Variants in COL18A1 observed in about 807,000 individuals in gnomAD.
COL18A1 encodes the protein collagen alpha-1(XVIII) chain.
A neutral mutation model predicts 168.0 loss-of-function variants in COL18A1; 133 were observed. That is an observed-to-expected ratio of 0.79 (90% CI 0.69 to 0.91). The LOEUF (loss-of-function observed/expected upper bound fraction) is 0.91. COL18A1 is among the 40% of genes least tolerant of loss of function. The pLI is 0.00. For missense variants in COL18A1, 2,126 were observed against 1,925.4 expected (o/e 1.10, Z -1.95); for synonymous variants, 949 against 809.0 (o/e 1.17, Z -2.94).
At chr21:45,419,244 CGT>C (rs1398518361) in intron 2 of COL18A1, among the ~76,000 whole-genome samples, 1 of 151,752 alleles carries the variant, frequency 6.6e-6, no homozygotes, top group East Asian at 1.9e-4. Flanking sequence ...GACGTGATGC[CGT>C]GTGTGGTGAC....
At chr21:45,487,676 C>T in intron 17 of COL18A1, 167 bp downstream of exon 17, 1 of 826,994 alleles carries the variant, frequency 1.2e-6, no homozygotes, top group Middle Eastern at 3.4e-4. Context: ...CACCCTTGTT[C>T]TTCGGAGATG....
At chr21:45,419,898 C>T (rs1362142081) in intron 2 of COL18A1, 1 of 152,202 alleles carries the variant, frequency 6.6e-6, no homozygotes, top group Admixed American at 6.5e-5. Flanking sequence ...CCTTGGCTTA[C>T]TGACTCCACA....
intron 2 of COL18A1, among the ~76,000 whole-genome samples, chr21:45,450,042 G>A (rs1274331916): frequency 2.0e-5 from 3 of 152,240 alleles, no homozygotes; most frequent in South Asian, 2.1e-4. Context: ...ACGTGTCTGC[G>A]GCATCCAAAC....
intron 2 of COL18A1, among the ~76,000 whole-genome samples, chr21:45,448,509 C>T (rs1242346595): frequency 6.6e-6 from 1 of 152,250 alleles, no homozygotes; most frequent in African/African-American, 2.4e-5. Flanking sequence ...GTATCCATAT[C>T]CACACATCCG....
chr21:45,508,236 AGTGGGTGAGTGGATGGTGGACAG>A (rs1306803423), intron 38 of COL18A1, among the ~76,000 whole-genome samples: 73 of 139,356 alleles, frequency 5.2e-4, no homozygotes, highest in Non-Finnish European at 6.6e-4. Flanking sequence ...ATAGTGGGTA[AGTGGGTGAGTGGATGGTGGACAG>A]GTGGGTGAGT....
rs1311224443 is a variant in COL18A1 at position 45,423,294 on chromosome 21, G to A, written c.106+17821G>A. Among the ~76,000 whole-genome samples, 1 of 152,224 alleles carries A rather than the reference G, an allele frequency of 6.6e-6. No homozygotes were observed. Among genetic ancestry groups the A allele is most frequent in the Non-Finnish European group, 1.5e-5 (1 of 68,042 alleles). On this transcript the variant is annotated intron_variant, in intron 2 of 41. Coordinates refer to ENST00000651438, the MANE Select transcript of COL18A1 (RefSeq NM_001379500.1). The surrounding 1 kb of genome is among the most constrained non-coding windows in gnomAD (Gnocchi z 4.0). ...GTGTTGGCCGGTCTGGTCCCTGAGT[G>A]TTGGCTGGTCCACTTCCTGAGCGTT... is the stretch of plus-strand genomic sequence containing the variant.
chr21:45,496,396 C>A (rs1269323823), intron 29 of COL18A1, 104 bp from the exon 30 acceptor site: 1 of 779,740 alleles, frequency 1.3e-6, no homozygotes, highest in East Asian at 2.4e-5. Context: ...AGAGGTCTGC[C>A]TGGTCAGGTT....
intron 2 of COL18A1, among the ~76,000 whole-genome samples, chr21:45,409,213 GC>G (rs2033215080): frequency 2.0e-5 from 3 of 152,294 alleles, no homozygotes; most frequent in African/African-American, 7.2e-5. Flanking sequence ...GCCTGGCCAG[GC>G]CCAACCCCAC....
chr21:45,474,402 T>C (rs149200602), intron 4 of COL18A1, among the ~76,000 whole-genome samples: 1 of 150,212 alleles, frequency 6.7e-6, no homozygotes, highest in Non-Finnish European at 1.5e-5. Context: ...TGTGTGTCTC[T>C]GGTGTGTCTG....
At chr21:45,460,872 A>T (rs2035017843) in intron 2 of COL18A1, among the ~76,000 whole-genome samples, 1 of 152,224 alleles carries the variant, frequency 6.6e-6, no homozygotes, top group Non-Finnish European at 1.5e-5. Context: ...TCAAGGGCCC[A>T]GTGCATTGGG....
At chr21:45,408,867 C>T (rs2033202567) in intron 2 of COL18A1, among the ~76,000 whole-genome samples, 1 of 152,220 alleles carries the variant, frequency 6.6e-6, no homozygotes, top group South Asian at 2.1e-4. Flanking sequence ...AAGAACCTCA[C>T]AGCTGTGGGG....
chr21:45,480,421 G>C, intron 11 of COL18A1, 46 bp from the exon 12 acceptor site: 1 of 1,613,848 alleles, frequency 6.2e-7, no homozygotes, highest in East Asian at 2.2e-5. Context: ...AGGCCAGGCG[G>C]GGGGCCGAGC....
intron 2 of COL18A1, among the ~76,000 whole-genome samples, chr21:45,458,422 C>T (rs1432106418): frequency 1.3e-5 from 2 of 151,962 alleles, no homozygotes; most frequent in Non-Finnish European, 2.9e-5. Flanking sequence ...GGGCTGTGCC[C>T]GCGAATGTTG....
chr21:45,474,453 AGT>A (rs1426365298), intron 4 of COL18A1, among the ~76,000 whole-genome samples: 4 of 100,686 alleles, frequency 4.0e-5, no homozygotes, highest in African/African-American at 9.9e-5. Flanking sequence ...CTCTGTGTGT[AGT>A]GTGTCTCTGT....
intron 2 of COL18A1, chr21:45,407,964 G>A (rs962211842): frequency 1.3e-5 from 2 of 152,282 alleles, no homozygotes; most frequent in African/African-American, 2.4e-5. Context: ...CCTAGGTAAC[G>A]AGAGACCCTC....
intron 2 of COL18A1, chr21:45,419,847 T>G (rs986041212): frequency 3.2e-4 from 48 of 152,158 alleles, no homozygotes; most frequent in African/African-American, 1.1e-3. Context: ...CAGCCCTCAG[T>G]TCTCCCTCCC....
chr21:45,496,757 C>G (rs879154954), intron 30 of COL18A1, among the ~76,000 whole-genome samples, 189 bp downstream of exon 30: 1 of 152,230 alleles, frequency 6.6e-6, no homozygotes. Context: ...AGGGAGGGCT[C>G]TCTGGGTGTG....
intron 37 of COL18A1, chr21:45,506,997 C>A: frequency 7.0e-6 from 2 of 287,398 alleles, no homozygotes; most frequent in South Asian, 3.2e-5. Flanking sequence ...CAGCCCCATC[C>A]TAACTTTCAG....
At position 45,452,802 on chromosome 21, in the gene COL18A1, GTGAT is replaced by G. The variant is rs1602413358; in HGVS notation, c.107-15437_107-15434del. Reference sequence around the variant, plus strand: ...GACGTGTGAGCATGCATGTACATATGTGATTGTGTATGCATGTGAGCATGTATGA... The same window carrying G: ...GACGTGTGAGCATGCATGTACATATGTGTGTATGCATGTGAGCATGTATGA... On this transcript the variant is annotated intron_variant, in intron 2 of 41. Transcript: ENST00000651438. Among the ~76,000 whole-genome samples the G allele has an allele frequency of 2.6e-5, 4 of 152,140 alleles. No homozygotes were observed. In the East Asian group the frequency reaches 7.7e-4, roughly 29 times the overall value.
Sources: gnomAD v4.1 joint callset for allele counts (sites outside exome capture counted in the v4.1 genomes callset) on GRCh38, gnomAD v4.1.1 for gene constraint, Gnocchi (gnomAD v3.1) non-coding constraint, MANE v1.5 for transcripts, NCBI Gene and HGNC (gene_info 2026-07-23, HGNC 2026-07-21) for gene names.